The following WNK3 variants were observed in gnomAD, a reference collection of about 807,000 sequenced individuals.
WNK3 encodes serine/threonine-protein kinase WNK3.
In WNK3, 18 loss-of-function variants were observed where a neutral mutation model predicts 116.7. The ratio of observed to expected loss-of-function variants is 0.15; its 90% CI spans 0.11 to 0.23. The LOEUF (loss-of-function observed/expected upper bound fraction) is 0.23, where lower values mean the gene tolerates loss of function less well. Ranked by LOEUF, WNK3 falls within the 10% of genes least tolerant of loss-of-function variation. The pLI, the probability that WNK3 is intolerant of heterozygous loss-of-function variation, is 1.00. For synonymous variants in WNK3, 404 were observed against 469.4 expected (o/e 0.86, Z 1.80); for missense variants, 993 against 1,323.8 (o/e 0.75, Z 3.88).
chrX:54,208,991 C>T (rs782535420), intron 22 of WNK3, among the ~76,000 whole-genome samples: 2 of 111,485 alleles, frequency 1.8e-5, no homozygotes, highest in African/African-American at 3.3e-5. Context: ...CTCAGAGGCA[C>T]GTACTAAAAT....
intron 2 of WNK3, 125 bp from the exon 3 acceptor site, chrX:54,311,416 T>C (rs1205809511): frequency 3.9e-6 from 2 of 515,286 alleles, no homozygotes; most frequent in African/African-American, 2.4e-5. Flanking sequence ...TTTTTGCCTG[T>C]CAATGCTTTT....
In WNK3 at chrX:54,222,915, A is replaced by AATATATAT. The variant is rs782107262; in HGVS notation, c.4870+5791_4870+5798dup. Reference sequence around the variant, plus strand: ...ATAGTATAATAATAATAATAATAATAATATATATATATATATATATATATA... The same window carrying AATATATAT: ...ATAGTATAATAATAATAATAATAATAATATATATATATATATATATATATATATATATA... On this transcript the variant is annotated intron_variant, in intron 22 of 23. Coordinates refer to ENST00000354646, the Ensembl canonical transcript of WNK3. Among the ~76,000 whole-genome samples the AATATATAT allele has an allele frequency of 3.9e-4, 32 of 81,015 alleles. No individual in the cohort carries two copies. In the South Asian group the frequency reaches 6.1e-3, roughly 15 times the overall value. The allele number at this position is 81,015 out of a possible 115,157, so 70.4% of individuals were successfully genotyped here. A position where few individuals can be genotyped will look rare whatever the true frequency, so the allele number is the denominator to read the frequency against.
intron 17 of WNK3, 30 bp downstream of exon 17, chrX:54,248,667 A>C (rs782729463): frequency 8.9e-7 from 1 of 1,119,561 alleles, no homozygotes; most frequent in Non-Finnish European, 1.2e-6. Flanking sequence ...AGCAAAGAGT[A>C]AGGAATTGGT....
chrX:54,306,083 T>A (rs782312632), intron 5 of WNK3, among the ~76,000 whole-genome samples: 1 of 111,052 alleles, frequency 9.0e-6, no homozygotes, highest in Non-Finnish European at 1.9e-5. Flanking sequence ...GCATGTGGTA[T>A]ACCGCATGCA....
chrX:54,341,681 G>A (rs992861131), intron 1 of WNK3, among the ~76,000 whole-genome samples: 6 of 111,616 alleles, frequency 5.4e-5, no homozygotes, highest in Non-Finnish European at 1.1e-4. Flanking sequence ...TATGCTAAGC[G>A]AAAGACGTCA....
At chrX:54,224,821 G>A (rs1262248373) in intron 22 of WNK3, among the ~76,000 whole-genome samples, 5 of 110,442 alleles carry the variant, frequency 4.5e-5, no homozygotes, top group African/African-American at 6.6e-5. Context: ...CGCCCACCTC[G>A]GCCTCCCAAA....
intron 10 of WNK3, among the ~76,000 whole-genome samples, chrX:54,272,679 C>T (rs2068397759): frequency 8.9e-6 from 1 of 111,821 alleles, no homozygotes; most frequent in African/African-American, 3.3e-5. Flanking sequence ...CAACAGAGTC[C>T]ATTCTTCATA....
chrX:54,306,057 AAAAT>A (rs1483534922), intron 5 of WNK3, among the ~76,000 whole-genome samples: 1 of 111,176 alleles, frequency 9.0e-6, no homozygotes, highest in Non-Finnish European at 1.9e-5. Flanking sequence ...TCGGTCTCAA[AAAAT>A]AAATAAATAA....
At chrX:54,301,252 A>AC (rs2068755094) in intron 6 of WNK3, among the ~76,000 whole-genome samples, 2 of 108,826 alleles carry the variant, frequency 1.8e-5, no homozygotes, top group Non-Finnish European at 3.8e-5. Context: ...CAAAAAAAAA[A>AC]AAAAAAAAAA....
At position 54,251,413 on chromosome X, in the gene WNK3, G is replaced by T. The variant is rs782238282; in HGVS notation, c.2561C>A (p.Ser854Tyr). Residue 854 changes from serine to tyrosine, a missense_variant, in exon 15 of 24, where the codon TCT becomes TAT. Around this residue, in one of 4 missense-constraint regions of WNK3, gnomAD observed 836 missense variants for 976.5 expected, o/e 0.86. Coordinates refer to ENST00000354646, the Ensembl canonical transcript of WNK3. Reference sequence around the variant, plus strand: ...AATATACTTACTGCTGGTTTGAGTAGATGTAGAATTTATCTGTACTTGTTC... The same window carrying T: ...AATATACTTACTGCTGGTTTGAGTATATGTAGAATTTATCTGTACTTGTTC... The T allele has an allele frequency of 2.6e-6, 3 of 1,175,744 alleles. No homozygotes were observed. In the African/African-American group the frequency reaches 5.3e-5, roughly 21 times the overall value.
chrX:54,268,973 C>T (rs895421209), intron 10 of WNK3, among the ~76,000 whole-genome samples: 19 of 111,507 alleles, frequency 1.7e-4, no homozygotes, highest in Admixed American at 2.9e-4. Context: ...AGTAGAGAAG[C>T]TTGGCAGGCC....
intron 16 of WNK3, 140 bp downstream of exon 16, chrX:54,249,854 C>G: frequency 1.2e-6 from 1 of 818,456 alleles, no homozygotes; most frequent in Non-Finnish European, 1.7e-6. Context: ...TAAGTTGTAT[C>G]CTAATATTAA....
intron 13 of WNK3, among the ~76,000 whole-genome samples, chrX:54,252,390 A>T (rs2068142608): frequency 9.0e-6 from 1 of 111,385 alleles, no homozygotes; most frequent in South Asian, 3.8e-4. Context: ...GAAAATAAAG[A>T]ATAGCTCGGA....
chrX:54,325,639 A>G lies in WNK3; in HGVS notation c.537+7498T>C, dbSNP rs1185514457. On this transcript the variant is annotated intron_variant, in intron 2 of 23. Coordinates refer to ENST00000354646, the Ensembl canonical transcript of WNK3. Reference sequence around the variant, plus strand: ...GGTTGCAGTGAGCCAAGATCATGCCATTGCACTCCAGCCTGGGCAACAAGA... The same window carrying G: ...GGTTGCAGTGAGCCAAGATCATGCCGTTGCACTCCAGCCTGGGCAACAAGA... Among the ~76,000 whole-genome samples the G allele has an allele frequency of 4.4e-5, 4 of 90,841 alleles. 1 individual carries two copies. The highest frequency in any genetic ancestry group is 8.3e-5 in the Non-Finnish European group (4 of 47,959). The allele number at this position is 90,841 out of a possible 115,157, so 78.9% of individuals were successfully genotyped here.
intron 22 of WNK3, among the ~76,000 whole-genome samples, chrX:54,213,553 C>CAAAAAAAAAAAAAAAAAAAAAAAAAAA (rs782580375): frequency 2.1e-4 from 3 of 14,275 alleles, no homozygotes; most frequent in African/African-American, 5.6e-4. Context: ...GACTCCGTCT[C>CAAAAAAAAAAAAAAAAAAAAAAAAAAA]AAAAAAAAAA....
At chrX:54,317,005 T>C (rs782656044) in intron 2 of WNK3, among the ~76,000 whole-genome samples, 1 of 111,521 alleles carries the variant, frequency 9.0e-6, no homozygotes, top group South Asian at 3.8e-4. Context: ...ACCATGTTCA[T>C]AGCAGCATTA....
intron 10 of WNK3, among the ~76,000 whole-genome samples, chrX:54,280,091 G>A (rs549134407): frequency 8.9e-6 from 1 of 112,164 alleles, no homozygotes; most frequent in South Asian, 3.7e-4. Context: ...GAGGTCAGGA[G>A]TTCAAGACCA....
chrX:54,249,205 T>G, exon 17 of WNK3: 1 of 1,212,014 alleles, frequency 8.3e-7, no homozygotes. Context: ...CATAGCTGGC[T>G]GCTGTACTGA....
At chrX:54,262,068 T>C (rs1395014097) in intron 10 of WNK3, among the ~76,000 whole-genome samples, 1 of 111,984 alleles carries the variant, frequency 8.9e-6, no homozygotes, top group Non-Finnish European at 1.9e-5. Context: ...ATTAAATGTA[T>C]ATAACATTAT....
Sources: allele counts gnomAD v4.1 joint callset (sites outside exome capture counted in the v4.1 genomes callset), GRCh38; gene constraint gnomAD v4.1.1; regional missense constraint gnomAD v4.1.1; transcripts MANE v1.5; gene names NCBI Gene and HGNC (gene_info 2026-07-23, HGNC 2026-07-21).